ZHX2: variants seen among roughly 807,000 people sequenced by gnomAD.
ZHX2 encodes the protein zinc fingers and homeoboxes protein 2.
ZHX2 carries 6 observed loss-of-function variants against 21.9 expected under a neutral mutation model. The observed-to-expected ratio is 0.27, with a 90% CI of 0.15 to 0.54. ZHX2 has a LOEUF of 0.54. Among genes scored for constraint, ZHX2 ranks in the 20% least tolerant of loss-of-function variants. The probability of loss-of-function intolerance (pLI) is 0.95; values close to 1 mark genes in which losing one functional copy is unlikely to be tolerated. For synonymous variants in ZHX2, 434 were observed against 437.1 expected (o/e 0.99, Z 0.09); for missense variants, 908 against 1,090.7 (o/e 0.83, Z 2.36).
chr8:122,822,615 C>T (rs1287547091), intron 1 of ZHX2, among the ~76,000 whole-genome samples: 1 of 152,198 alleles, frequency 6.6e-6, no homozygotes, highest in Admixed American at 6.5e-5. Flanking sequence ...AGGGACTGCT[C>T]CTGGGTTTGG....
Position 122,952,821 on chromosome 8 carries a change from G to T in ZHX2, c.1311G>T (p.Pro437=), listed in dbSNP as rs374578204. 1.2e-6 allele frequency: 2 copies of T among 1,613,998 alleles called. No individual in the cohort carries two copies. Among genetic ancestry groups the T allele is most frequent in the South Asian group, 1.1e-5 (1 of 91,074 alleles). The change falls in exon 3 of 4, where the codon CCG becomes CCT. Residue 437 remains proline (P), a synonymous_variant. Transcript: ENST00000314393. This position sits in a 1 kb window ranked among gnomAD's most constrained non-coding sequence, Gnocchi z 6.9. ...CCCCACCCAAGGTGGCCAACCCCCC[G>T]CTCACACCAGCCAGTGACCGCAAGA... The part of the protein sequence containing the change: ...PEPPPKVANP[P]LTPASDRKKT...
At chr8:122,866,366 T>A (rs2129651754) in intron 2 of ZHX2, among the ~76,000 whole-genome samples, 1 of 152,250 alleles carries the variant, frequency 6.6e-6, no homozygotes, top group Admixed American at 6.5e-5. Flanking sequence ...AGATAAAAAT[T>A]GCATTCGCCT....
chr8:122,918,154 G>A (rs1469620044), intron 2 of ZHX2, among the ~76,000 whole-genome samples: 1 of 152,180 alleles, frequency 6.6e-6, no homozygotes, highest in Non-Finnish European at 1.5e-5. Flanking sequence ...TCACAGTCAT[G>A]TGAACTAAGT....
chr8:122,822,311 G>C (rs563070921), intron 1 of ZHX2, among the ~76,000 whole-genome samples: 1 of 152,146 alleles, frequency 6.6e-6, no homozygotes, highest in South Asian at 2.1e-4. Flanking sequence ...TCTTGTTTTG[G>C]GAAGGGAAAT....
chr8:122,875,822 A>G (rs969723830), intron 2 of ZHX2, among the ~76,000 whole-genome samples: 2 of 152,174 alleles, frequency 1.3e-5, no homozygotes, highest in African/African-American at 2.4e-5. Context: ...TTGCCTCCCT[A>G]TCATTGCCAT....
At chr8:122,853,949 C>T (rs893375082) in intron 1 of ZHX2, among the ~76,000 whole-genome samples, 16 of 152,150 alleles carry the variant, frequency 1.1e-4, no homozygotes, top group Admixed American at 9.8e-4. Context: ...CACAACAAAA[C>T]GTCTTTGTGG....
chr8:122,798,283 G>T (rs968175596), intron 1 of ZHX2, among the ~76,000 whole-genome samples: 3 of 152,226 alleles, frequency 2.0e-5, no homozygotes, highest in Non-Finnish European at 2.9e-5. Context: ...CCTACTATGT[G>T]TCAGGCACCA....
intron 2 of ZHX2, 68 bp from the exon 3 acceptor site, chr8:122,951,224 C>G (rs1813100882): frequency 2.7e-6 from 1 of 363,894 alleles, no homozygotes; most frequent in South Asian, 4.1e-5. Context: ...TGGGAAAACT[C>G]ATAAAGAAGT....
At chr8:122,842,328 T>C (rs575960210) in intron 1 of ZHX2, among the ~76,000 whole-genome samples, 79 of 152,330 alleles carry the variant, frequency 5.2e-4, no homozygotes, top group African/African-American at 1.8e-3. Context: ...TCCTACCACA[T>C]CCATCCCTGA....
chr8:122,862,124 G>A (rs1282702296), intron 1 of ZHX2, among the ~76,000 whole-genome samples: 2 of 152,130 alleles, frequency 1.3e-5, no homozygotes, highest in Non-Finnish European at 2.9e-5. Context: ...CCCTCCCGGA[G>A]TGCTCTGCCC....
intron 1 of ZHX2, among the ~76,000 whole-genome samples, chr8:122,849,454 C>A (rs1213983869): frequency 6.6e-6 from 1 of 152,200 alleles, no homozygotes; most frequent in African/African-American, 2.4e-5. Flanking sequence ...GTTCTGGAGG[C>A]TGAGAGTCTG....
chr8:122,875,130 TATATATATATATATATATATATATA>T (rs1819534059), intron 2 of ZHX2, among the ~76,000 whole-genome samples: 2 of 93,230 alleles, frequency 2.1e-5, no homozygotes, highest in African/African-American at 8.6e-5. Flanking sequence ...AAAACTCTGT[TATATATATATATATATATATATATA>T]TATATATATA....
At chr8:122,967,129 C>T (rs1813603167) in intron 3 of ZHX2, among the ~76,000 whole-genome samples, 1 of 152,130 alleles carries the variant, frequency 6.6e-6, no homozygotes, top group African/African-American at 2.4e-5. Context: ...AATAATGAAC[C>T]TTCTGAATTC....
intron 1 of ZHX2, among the ~76,000 whole-genome samples, chr8:122,856,329 T>A (rs922814425): frequency 6.6e-6 from 1 of 152,182 alleles, no homozygotes; most frequent in African/African-American, 2.4e-5. Context: ...TTGTCAAAGA[T>A]GATGTCTGCA....
At chr8:122,910,977 T>A (rs1047177780) in intron 2 of ZHX2, among the ~76,000 whole-genome samples, 1 of 152,214 alleles carries the variant, frequency 6.6e-6, no homozygotes, top group Admixed American at 6.5e-5. Context: ...GGCTACATGT[T>A]CCTGTTATAA....
At chr8:122,810,989 T>TA (rs1413105094) in intron 1 of ZHX2, among the ~76,000 whole-genome samples, 1 of 152,098 alleles carries the variant, frequency 6.6e-6, no homozygotes, top group Non-Finnish European at 1.5e-5. Flanking sequence ...TGTTTGATGT[T>TA]AGAGTTTTAG....
chr8:122,900,612 G>A (rs1476469773), intron 2 of ZHX2, among the ~76,000 whole-genome samples: 1 of 152,164 alleles, frequency 6.6e-6, no homozygotes. Flanking sequence ...GATATCTGAG[G>A]CTCAGTGACA....
Position 122,953,892 on chromosome 8 carries a change from G to T in ZHX2, c.2382G>T (p.Val794=), listed in dbSNP as rs762224530. Residue 794 remains valine (V), a synonymous_variant, in exon 3 of 4, where the codon GTG becomes GTT. Transcript: ENST00000314393. This position sits in a 1 kb window ranked among gnomAD's most constrained non-coding sequence, Gnocchi z 4.6. The stretch of plus-strand genomic sequence containing the variant: ...AGGAGTCGAGCGTTGTGGATTACGT[G>T]GAGGTGACGGTCGGGGAGGAGGATG... ...ENEESSVVDY[V]EVTVGEEDAI... is the part of the protein sequence containing the mutation. The T allele has an allele frequency of 2.7e-5, 44 of 1,614,076 alleles. No homozygotes were observed. Among genetic ancestry groups the T allele is most frequent in the Non-Finnish European group, 3.4e-5 (40 of 1,180,038 alleles).
Position 122,951,305 on chromosome 8 carries a change from T to G in ZHX2, c.-206T>G. On this transcript the variant is annotated 5_prime_UTR_variant, in exon 3 of 4. Transcript: ENST00000314393. ...TCTTGTCCACAGATATGATGCTTCC[T>G]GGTGTGTTTAGTGGTTGGTGCCATT... 1 of 574,286 alleles carries G rather than the reference T, an allele frequency of 1.7e-6. No individual in the cohort carries two copies. The highest frequency in any genetic ancestry group is 4.7e-4 in the Middle Eastern group (1 of 2,142). 35.6% of individuals were successfully genotyped at this position (574,286 alleles called of 1,614,324 possible). A position where few individuals can be genotyped will look rare whatever the true frequency, so the allele number is the denominator to read the frequency against.
Sources: gnomAD v4.1 joint callset for allele counts (sites outside exome capture counted in the v4.1 genomes callset) on GRCh38, gnomAD v4.1.1 for gene constraint, Gnocchi (gnomAD v3.1) non-coding constraint, MANE v1.5 for transcripts, NCBI Gene and HGNC (gene_info 2026-07-23, HGNC 2026-07-21) for gene names.